The following FRMD1 variants were observed in gnomAD, a reference collection of about 807,000 sequenced individuals.
The protein encoded by FRMD1 is FERM domain-containing protein 1.
A neutral mutation model predicts 54.9 loss-of-function variants in FRMD1; 51 were observed. That is an observed-to-expected ratio of 0.93 (90% CI 0.74 to 1.17). The LOEUF is 1.17. Ranked by LOEUF, FRMD1 falls within the 50% of genes most tolerant of loss-of-function variation. FRMD1 has a pLI of 0.00. For synonymous variants in FRMD1, 324 were observed against 306.4 expected, an observed-to-expected ratio of 1.06 and a Z score of -0.60; for missense variants, 729 against 743.0, an observed-to-expected ratio of 0.98 and a Z score of 0.22.
At chr6:168,086,038 G>A (rs114365307), upstream of FRMD1, among the ~76,000 whole-genome samples, 94 of 152,338 alleles carry the variant, frequency 6.2e-4, 1 homozygote, top group Middle Eastern at 3.4e-3. Flanking sequence ...GAGTGGCCCC[G>A]TACCTCCCTG....
At chr6:168,065,213 A>G in intron 4 of FRMD1, 156 bp from the exon 5 acceptor site, 1 of 1,416,858 alleles carries the variant, frequency 7.1e-7, no homozygotes, top group Non-Finnish European at 9.2e-7. Flanking sequence ...GTGTCCCTGC[A>G]GGGCCAGCAC....
At position 168,078,795 on chromosome 6, in the gene FRMD1, G is replaced by GGGCCCTGCTCACTCCCAT. The variant is rs1351203936; in HGVS notation, c.213+86_213+87insATGGGAGTGAGCAGGGCC. Reference sequence around the variant, plus strand: ...CCCTGCTCACCCCCACGGCCACCCAGGGCCCTGCTCACCCCCACGGCCACC... The same window carrying GGGCCCTGCTCACTCCCAT: ...CCCTGCTCACCCCCACGGCCACCCAGGGCCCTGCTCACTCCCATGGCCCTGCTCACCCCCACGGCCACC... On this transcript the variant is annotated intron_variant, in intron 1 of 10. Transcript: ENST00000283309. The GGGCCCTGCTCACTCCCAT allele has an allele frequency of 8.9e-5, 83 of 933,296 alleles. 1 individual carries two copies. The highest frequency in any genetic ancestry group is 8.4e-4 in the African/African-American group (28 of 33,470). The allele number at this position is 933,296 out of a possible 1,614,324, so 57.8% of individuals were successfully genotyped here. A position where few individuals can be genotyped will look rare whatever the true frequency, so the allele number is the denominator to read the frequency against.
chr6:168,054,982 C>G lies in FRMD1; in HGVS notation c.*2115G>C, dbSNP rs914969826. 6.6e-5 allele frequency: 10 copies of G among 152,320 alleles called. No homozygotes were observed. The allele number at this position is 152,320 out of a possible 1,614,324, so 9.4% of individuals were successfully genotyped here. ...AGGGCAGCGGGCCTCTAATTGTCCT[C>G]TCCACATACCCTGAACACCAGAGAT... On this transcript the variant is annotated 3_prime_UTR_variant, in exon 11 of 11. Transcript: ENST00000283309.
At chr6:168,086,844 C>T (rs900725250) in intron 1 of FRMD1, among the ~76,000 whole-genome samples, 7 of 152,244 alleles carry the variant, frequency 4.6e-5, no homozygotes, top group Admixed American at 1.3e-4. Flanking sequence ...CATGTGACCC[C>T]GTTCTGCTCT....
chr6:168,060,688 A>G, intron 9 of FRMD1, 73 bp downstream of exon 9: 1 of 1,486,860 alleles, frequency 6.7e-7, no homozygotes, highest in Non-Finnish European at 9.1e-7. Flanking sequence ...CTCGGTGTCC[A>G]GGGTCAGCCA....
chr6:168,061,079 G>A (rs1192086199), intron 8 of FRMD1, 22 bp from the exon 9 acceptor site: 21 of 1,593,978 alleles, frequency 1.3e-5, no homozygotes, highest in Non-Finnish European at 1.7e-5. Context: ...GGGGAGCACA[G>A]TGAGGGCGAG....
chr6:168,058,929 G>A (rs546764813), intron 10 of FRMD1, among the ~76,000 whole-genome samples, 195 bp downstream of exon 10: 2 of 152,260 alleles, frequency 1.3e-5, no homozygotes, highest in South Asian at 4.1e-4. Context: ...TGAGGCTGAG[G>A]CCTCCACCCA....
rs1799367143 is a variant in FRMD1 at position 168,055,475 on chromosome 6, T to TGAGGGAA, written c.*1621_*1622insTTCCCTC. The TGAGGGAA allele has an allele frequency of 6.6e-6, 1 of 152,266 alleles. No individual in the cohort carries two copies. Among genetic ancestry groups the TGAGGGAA allele is most frequent in the Non-Finnish European group, 1.5e-5 (1 of 68,072 alleles). 9.4% of individuals were successfully genotyped at this position (152,266 alleles called of 1,614,324 possible). On this transcript the variant is annotated 3_prime_UTR_variant, in exon 11 of 11. Transcript: ENST00000283309. ...ACCACCTGCTGTGTCTCCCCAACAC[T>TGAGGGAA]GGTGTGTACCTTCCCTCATGGTCCA...
At chr6:168,075,498 C>T (rs977948263) in intron 1 of FRMD1, among the ~76,000 whole-genome samples, 163 bp from the exon 2 acceptor site, 2 of 152,054 alleles carry the variant, frequency 1.3e-5, no homozygotes, top group African/African-American at 2.4e-5. Flanking sequence ...AGCTAAACAC[C>T]GCTGCATGCC....
intron 1 of FRMD1, chr6:168,093,001 C>T (rs1384465569): frequency 6.6e-6 from 1 of 152,226 alleles, no homozygotes; most frequent in Non-Finnish European, 1.5e-5. Context: ...GCCTCACAAT[C>T]GTGGTGAAAG....
chr6:168,083,407 GA>G (rs1278997513), upstream of FRMD1, among the ~76,000 whole-genome samples: 1 of 152,236 alleles, frequency 6.6e-6, no homozygotes, highest in Non-Finnish European at 1.5e-5. Context: ...GTGCCGGCAG[GA>G]ACCGCCCCAA....
chr6:168,057,109 C>T lies in FRMD1; in HGVS notation c.1638G>A (p.Glu546=), dbSNP rs777949054. 6 of 1,486,018 alleles carry T rather than the reference C, an allele frequency of 4.0e-6. No homozygotes were observed. The East Asian group carries it at 9.9e-5, about 24-fold the overall frequency. 92.1% of individuals were successfully genotyped at this position (1,486,018 alleles called of 1,614,324 possible). A position where few individuals can be genotyped will look rare whatever the true frequency, so the allele number is the denominator to read the frequency against. ...LDLFGEAPPQ[E]FVV ...GGGTGGGTGGTGCCTACACCACAAA[C>T]TCCTGTGGTGGAGCCTCTCCGAACA... The change falls in exon 11 of 11, where the codon GAG becomes GAA. Residue 546 remains glutamate, a synonymous_variant. Coordinates refer to ENST00000283309, the MANE Select transcript of FRMD1 (RefSeq NM_024919.6).
upstream of FRMD1, among the ~76,000 whole-genome samples, chr6:168,081,148 G>A (rs560601614): frequency 6.6e-6 from 1 of 152,282 alleles, no homozygotes; most frequent in South Asian, 2.1e-4. Flanking sequence ...GGCTTGGGAA[G>A]CCCCCGTTGT....
chr6:168,083,253 C>T (rs929870002), upstream of FRMD1, among the ~76,000 whole-genome samples: 1 of 152,204 alleles, frequency 6.6e-6, no homozygotes, highest in Non-Finnish European at 1.5e-5. Flanking sequence ...CCAAACTGAC[C>T]TTTGGCTGTT....
chr6:168,089,700 C>G (rs183585789), intron 1 of FRMD1, among the ~76,000 whole-genome samples: 2 of 152,338 alleles, frequency 1.3e-5, no homozygotes, highest in East Asian at 3.9e-4. Flanking sequence ...TCCTGAGGGC[C>G]GCCCAGCGGG....
chr6:168,092,987 G>T (rs1435304599), intron 1 of FRMD1: 1 of 152,280 alleles, frequency 6.6e-6, no homozygotes, highest in Non-Finnish European at 1.5e-5. Flanking sequence ...ACATGGCTGG[G>T]GAAGCCTCAC....
rs1244341498 is a variant in FRMD1 at position 168,079,140 on chromosome 6, C to G, written c.-46G>C. 2 of 1,538,944 alleles carry G rather than the reference C, an allele frequency of 1.3e-6. No individual in the cohort carries two copies. Among genetic ancestry groups the G allele is most frequent in the Non-Finnish European group, 1.7e-6 (2 of 1,147,410 alleles). On this transcript the variant is annotated 5_prime_UTR_variant, in exon 1 of 11. Transcript: ENST00000283309. ...CCCCGCCATGGGTCGCAGGTGGGTG[C>G]TCAGCACCTCCCAGATCACAGCTGT...
intron 2 of FRMD1, among the ~76,000 whole-genome samples, chr6:168,070,572 C>T (rs1324251147): frequency 1.3e-5 from 2 of 152,270 alleles, no homozygotes. Context: ...AGTGGCTCTC[C>T]CTGGGTCTCC....
chr6:168,077,073 T>A (rs1338089347), intron 1 of FRMD1, among the ~76,000 whole-genome samples: 3 of 133,784 alleles, frequency 2.2e-5, no homozygotes, highest in South Asian at 5.0e-4. Context: ...TACTGCAGAC[T>A]CAGATGCATG....
Sources: gnomAD v4.1 joint callset for allele counts (sites outside exome capture counted in the v4.1 genomes callset) on GRCh38, gnomAD v4.1.1 for gene constraint, MANE v1.5 for transcripts, NCBI Gene and HGNC (gene_info 2026-07-23, HGNC 2026-07-21) for gene names.